PTPRT: variants seen among roughly 807,000 people sequenced by gnomAD.
PTPRT encodes protein tyrosine phosphatase receptor type T, also known as receptor-type tyrosine-protein phosphatase T.
PTPRT carries 56 observed loss-of-function variants against 176.8 expected under a neutral mutation model. That is an observed-to-expected ratio of 0.32 (90% CI 0.26 to 0.40). The LOEUF (loss-of-function observed/expected upper bound fraction) is 0.40, where lower values mean the gene tolerates loss of function less well. Ranked by LOEUF, PTPRT falls within the 10% of genes least tolerant of loss-of-function variation. The pLI, the probability that PTPRT is intolerant of heterozygous loss-of-function variation, is 1.00. For missense variants in PTPRT, 1,540 were observed against 1,908.2 expected (o/e 0.81, Z 3.60); for synonymous variants, 783 against 739.0 (o/e 1.06, Z -0.96).
intron 7 of PTPRT, among the ~76,000 whole-genome samples, chr20:42,516,478 G>C (rs1403220810): frequency 2.0e-5 from 3 of 152,062 alleles, no homozygotes; most frequent in Non-Finnish European, 4.4e-5. Flanking sequence ...TATGGCTACA[G>C]CTTGTTCATT....
At chr20:42,878,398 T>G (rs2078967608) in intron 2 of PTPRT, among the ~76,000 whole-genome samples, 1 of 152,246 alleles carries the variant, frequency 6.6e-6, no homozygotes, top group Admixed American at 6.5e-5. Flanking sequence ...CTATCTCTAT[T>G]GAGCATTTTC....
intron 10 of PTPRT, among the ~76,000 whole-genome samples, chr20:42,351,445 T>C (rs2145518295): frequency 6.6e-6 from 1 of 152,194 alleles, no homozygotes; most frequent in South Asian, 2.1e-4. Context: ...TGTAGCAACA[T>C]AGGAAACACT....
At chr20:42,652,365 G>A (rs2075048342) in intron 7 of PTPRT, among the ~76,000 whole-genome samples, 1 of 152,110 alleles carries the variant, frequency 6.6e-6, no homozygotes, top group Non-Finnish European at 1.5e-5. Context: ...ACCATGCTGG[G>A]CACTGAGGTA....
chr20:42,223,502 T>G (rs571323137), intron 15 of PTPRT, among the ~76,000 whole-genome samples: 2 of 152,334 alleles, frequency 1.3e-5, no homozygotes, highest in East Asian at 3.9e-4. Flanking sequence ...AAGCACTGTT[T>G]AACGCCCTTA....
chr20:43,082,415 T>C (rs894945720), intron 1 of PTPRT, among the ~76,000 whole-genome samples: 1 of 152,264 alleles, frequency 6.6e-6, no homozygotes, highest in Non-Finnish European at 1.5e-5. Context: ...TATTTATATT[T>C]GTTTATTCCT....
In PTPRT at chr20:42,661,277, CT is replaced by C. The variant is rs1338705356; in HGVS notation, c.1153+16588del. On this transcript the variant is annotated intron_variant, in intron 7 of 30. Coordinates refer to ENST00000373187, the MANE Select transcript of PTPRT (RefSeq NM_007050.6). ...GATGAGTTAACTAGTTCACACAAAA[CT>C]TTTCTGTAAAATATTTATTTTATGC... Among the ~76,000 whole-genome samples, 9 of 152,196 alleles carry C rather than the reference CT, an allele frequency of 5.9e-5. No individual in the cohort carries two copies. The South Asian group carries it at 1.5e-3, about 25-fold the overall frequency.
chr20:43,140,118 C>T (rs2013955532), intron 1 of PTPRT, among the ~76,000 whole-genome samples: 1 of 152,162 alleles, frequency 6.6e-6, no homozygotes, highest in East Asian at 1.9e-4. Context: ...CAAAAAACTA[C>T]ATGTATTTAA....
At chr20:42,706,161 C>A (rs1190550043) in intron 6 of PTPRT, among the ~76,000 whole-genome samples, 1 of 135,586 alleles carries the variant, frequency 7.4e-6, no homozygotes, top group Non-Finnish European at 1.5e-5. Context: ...CTCTCTTTAT[C>A]TCTCTCTCTC....
chr20:42,401,752 T>C (rs2058910453), intron 9 of PTPRT, among the ~76,000 whole-genome samples: 1 of 152,098 alleles, frequency 6.6e-6, no homozygotes, highest in South Asian at 2.1e-4. Context: ...GGATGTTAAA[T>C]CCCCAGGCAT....
chr20:42,465,322 A>G (rs993757715), intron 8 of PTPRT, among the ~76,000 whole-genome samples: 2 of 152,176 alleles, frequency 1.3e-5, no homozygotes, highest in Admixed American at 1.3e-4. Flanking sequence ...TACCCTAAAG[A>G]TACATTGCCA....
At position 42,957,295 on chromosome 20, in the gene PTPRT, G is replaced by A. The variant is rs1425662642; in HGVS notation, c.89-71363C>T. ...AATCTAATTAGGGGCCCTCGTAAAC[G>A]TCACCTGCTCATAAACATTTATAAA... On this transcript the variant is annotated intron_variant, in intron 1 of 30. Coordinates refer to ENST00000373187, the MANE Select transcript of PTPRT (RefSeq NM_007050.6). Among the ~76,000 whole-genome samples, 6 of 152,128 alleles carry A rather than the reference G, an allele frequency of 3.9e-5. No individual in the cohort carries two copies. The South Asian group carries it at 6.2e-4, about 16-fold the overall frequency.
At chr20:42,679,637 G>A (rs965765821) in intron 6 of PTPRT, among the ~76,000 whole-genome samples, 2 of 152,096 alleles carry the variant, frequency 1.3e-5, no homozygotes, top group African/African-American at 4.8e-5. Flanking sequence ...TTTATGTACT[G>A]ACACATTTTT....
In PTPRT at chr20:43,051,233, C is replaced by A. The variant is rs547258429; in HGVS notation, c.88+138413G>T. 3.1e-4 allele frequency among the ~76,000 whole-genome samples: 47 copies of A among 152,294 alleles called. 1 individual carries two copies. Among genetic ancestry groups the A allele is most frequent in the Admixed American group, 2.9e-3 (44 of 15,300 alleles). Reference sequence around the variant, plus strand: ...ACATATATGTGCCAATAATATTGCCCTTCTTTTGCTAACTCCAGTTTGAAT... The same window carrying A: ...ACATATATGTGCCAATAATATTGCCATTCTTTTGCTAACTCCAGTTTGAAT... On this transcript the variant is annotated intron_variant, in intron 1 of 30. Coordinates refer to ENST00000373187, the MANE Select transcript of PTPRT (RefSeq NM_007050.6).
intron 7 of PTPRT, among the ~76,000 whole-genome samples, chr20:42,486,969 G>A (rs1049107805): frequency 6.6e-6 from 1 of 152,140 alleles, no homozygotes; most frequent in Non-Finnish European, 1.5e-5. Context: ...AGTAGCAGAG[G>A]TGAGTGAATA....
intron 17 of PTPRT, among the ~76,000 whole-genome samples, chr20:42,151,155 A>G (rs1387619881): frequency 1.3e-5 from 2 of 151,178 alleles, no homozygotes; most frequent in Non-Finnish European, 2.9e-5. Context: ...TTTTACTTTA[A>G]GTAAGTTCTG....
intron 16 of PTPRT, among the ~76,000 whole-genome samples, chr20:42,189,931 AT>A (rs1391589491): frequency 6.6e-6 from 1 of 152,174 alleles, no homozygotes; most frequent in African/African-American, 2.4e-5. Flanking sequence ...AGTGTTTGTG[AT>A]GGAAAATTGG....
At chr20:43,021,478 A>T (rs1361909331) in intron 1 of PTPRT, among the ~76,000 whole-genome samples, 1 of 152,040 alleles carries the variant, frequency 6.6e-6, no homozygotes, top group Non-Finnish European at 1.5e-5. Flanking sequence ...ACGTGAACTC[A>T]GTTGGATGGG....
At chr20:42,541,994 G>T (rs1029650567) in intron 7 of PTPRT, among the ~76,000 whole-genome samples, 1 of 152,084 alleles carries the variant, frequency 6.6e-6, no homozygotes, top group South Asian at 2.1e-4. Context: ...TTGAATCATG[G>T]GGGTAGGTTT....
chr20:42,937,858 A>G (rs971115581), intron 1 of PTPRT, among the ~76,000 whole-genome samples: 1 of 152,236 alleles, frequency 6.6e-6, no homozygotes, highest in African/African-American at 2.4e-5. Context: ...GAAAATTTTG[A>G]GATAATTACA....
Sources: gnomAD v4.1 joint callset for allele counts (sites outside exome capture counted in the v4.1 genomes callset) on GRCh38, gnomAD v4.1.1 for gene constraint, MANE v1.5 for transcripts, NCBI Gene and HGNC (gene_info 2026-07-23, HGNC 2026-07-21) for gene names.